The following LRRTM4 variants were observed in gnomAD, a reference collection of about 807,000 sequenced individuals.
LRRTM4 encodes the protein leucine rich repeat transmembrane neuronal 4, also known as leucine-rich repeat transmembrane neuronal protein 4.
In LRRTM4, 25 loss-of-function variants were observed where a neutral mutation model predicts 47.6. That is an observed-to-expected ratio of 0.53 (90% CI 0.38 to 0.73). The LOEUF is 0.73. Ranked by LOEUF, LRRTM4 falls within the 30% of genes least tolerant of loss-of-function variation. LRRTM4 has a pLI of 0.00. For missense variants in LRRTM4, 638 were observed against 713.4 expected, an observed-to-expected ratio of 0.89 and a Z score of 1.20; for synonymous variants, 311 against 269.5, an observed-to-expected ratio of 1.15 and a Z score of -1.51.
intron 3 of LRRTM4, among the ~76,000 whole-genome samples, chr2:77,341,582 C>T (rs1671374702): frequency 1.3e-5 from 2 of 152,166 alleles, no homozygotes; most frequent in South Asian, 2.1e-4. Flanking sequence ...CCCTACGAGA[C>T]AAGAACCACG....
At chr2:77,512,661 AC>A (rs2104107411) in intron 3 of LRRTM4, among the ~76,000 whole-genome samples, 1 of 152,182 alleles carries the variant, frequency 6.6e-6, no homozygotes, top group East Asian at 1.9e-4. Context: ...TTACTGAGCA[AC>A]TCCTAAAGCA....
At chr2:77,218,991 G>A (rs918284732) in intron 3 of LRRTM4, among the ~76,000 whole-genome samples, 1 of 152,316 alleles carries the variant, frequency 6.6e-6, no homozygotes, top group African/African-American at 2.4e-5. Context: ...CGCTGCCAGA[G>A]TACACTGGAA....
chr2:76,986,618 A>G (rs1275123291), intron 3 of LRRTM4, among the ~76,000 whole-genome samples: 1 of 151,946 alleles, frequency 6.6e-6, no homozygotes, highest in Non-Finnish European at 1.5e-5. Flanking sequence ...GTTGAACATA[A>G]TGAAAGCCCA....
intron 3 of LRRTM4, among the ~76,000 whole-genome samples, chr2:77,337,590 C>G (rs931038824): frequency 5.3e-5 from 8 of 151,958 alleles, no homozygotes; most frequent in Non-Finnish European, 8.8e-5. Flanking sequence ...GGCTCTTCCC[C>G]CTTAGCTCCC....
intron 3 of LRRTM4, among the ~76,000 whole-genome samples, chr2:77,165,370 T>C (rs1388695709): frequency 6.6e-6 from 1 of 152,150 alleles, no homozygotes; most frequent in Non-Finnish European, 1.5e-5. Flanking sequence ...CACAGCCAAA[T>C]TCTACCAGAG....
At chr2:77,434,358 C>CCTGG (rs1363725281) in intron 3 of LRRTM4, among the ~76,000 whole-genome samples, 1 of 151,586 alleles carries the variant, frequency 6.6e-6, no homozygotes, top group East Asian at 1.9e-4. Flanking sequence ...TGACCAAGAA[C>CCTGG]CCAGCCACCT....
intron 3 of LRRTM4, among the ~76,000 whole-genome samples, chr2:77,074,485 G>A (rs962090641): frequency 1.3e-5 from 2 of 151,802 alleles, no homozygotes; most frequent in African/African-American, 4.8e-5. Flanking sequence ...AAAAACTGAA[G>A]GCTGAATATT....
chr2:76,785,362 A>G (rs62172101), intron 3 of LRRTM4, among the ~76,000 whole-genome samples: 2 of 152,016 alleles, frequency 1.3e-5, no homozygotes, highest in Non-Finnish European at 2.9e-5. Flanking sequence ...TAGAGCATCA[A>G]CTTATAACAG....
At chr2:77,173,073 T>C (rs1673099709) in intron 3 of LRRTM4, among the ~76,000 whole-genome samples, 1 of 152,158 alleles carries the variant, frequency 6.6e-6, no homozygotes, top group Non-Finnish European at 1.5e-5. Flanking sequence ...AGTTGTTTAA[T>C]AAAGGATGAT....
chr2:77,018,105 A>G (rs994014234), intron 3 of LRRTM4, among the ~76,000 whole-genome samples: 2 of 151,498 alleles, frequency 1.3e-5, no homozygotes, highest in Non-Finnish European at 1.5e-5. Context: ...TGAAAGTACT[A>G]TTTTTCCTTT....
intron 3 of LRRTM4, among the ~76,000 whole-genome samples, chr2:77,183,826 G>C (rs934111350): frequency 6.6e-6 from 1 of 152,030 alleles, no homozygotes; most frequent in Non-Finnish European, 1.5e-5. Flanking sequence ...GCAACCTATT[G>C]CAAGGACAAA....
At chr2:77,351,553 G>T (rs958252907) in intron 3 of LRRTM4, among the ~76,000 whole-genome samples, 9 of 150,282 alleles carry the variant, frequency 6.0e-5, no homozygotes, top group African/African-American at 2.2e-4. Flanking sequence ...ATTTCCATGA[G>T]ATATTTTTAA....
rs546338214 is a variant in LRRTM4, at chr2:77,234,395, C to T, written c.1551+283923G>A. On this transcript the variant is annotated intron_variant, in intron 3 of 3. Transcript: ENST00000409884. ...CAAAATGGAATCACTATAATGATTT[C>T]GAATAATCTGTGACTACAGTTTGGA... Among the ~76,000 whole-genome samples, 23 of 152,118 alleles carry T rather than the reference C, an allele frequency of 1.5e-4. No individual in the cohort carries two copies. In the East Asian group the frequency reaches 2.7e-3, roughly 18 times the overall value.
At chr2:76,804,862 A>T (rs6747148) in intron 3 of LRRTM4, among the ~76,000 whole-genome samples, 69,533 of 150,668 alleles carry the variant, frequency 0.46, 17,627 homozygotes, top group East Asian at 0.67. Context: ...TTGTTAATAG[A>T]TTTTTTTAAA....
chr2:76,983,320 C>A (rs925740182), intron 3 of LRRTM4, among the ~76,000 whole-genome samples: 33 of 152,012 alleles, frequency 2.2e-4, no homozygotes, highest in Admixed American at 8.5e-4. Context: ...TTGGCAGTAT[C>A]CCCACCCAAA....
intron 3 of LRRTM4, among the ~76,000 whole-genome samples, chr2:77,051,432 A>T (rs1679428370): frequency 6.6e-6 from 1 of 152,154 alleles, no homozygotes; most frequent in African/African-American, 2.4e-5. Flanking sequence ...CTCAGTGTCA[A>T]ATGAATTAAG....
At chr2:77,372,539 T>A (rs1672688368) in intron 3 of LRRTM4, among the ~76,000 whole-genome samples, 1 of 151,740 alleles carries the variant, frequency 6.6e-6, no homozygotes, top group African/African-American at 2.4e-5. Flanking sequence ...TCACCTGTAG[T>A]CATTTCATTA....
At chr2:76,889,903 G>A (rs988296153) in intron 3 of LRRTM4, among the ~76,000 whole-genome samples, 1 of 151,938 alleles carries the variant, frequency 6.6e-6, no homozygotes, top group African/African-American at 2.4e-5. Context: ...AGAATTGCAA[G>A]CTATGGCCAC....
intron 3 of LRRTM4, among the ~76,000 whole-genome samples, chr2:77,249,833 G>A (rs1162209985): frequency 6.6e-6 from 1 of 152,162 alleles, no homozygotes; most frequent in Non-Finnish European, 1.5e-5. Context: ...TCATCCAAGG[G>A]TGTAAAACTT....
Sources: allele counts gnomAD v4.1 joint callset (sites outside exome capture counted in the v4.1 genomes callset), GRCh38; gene constraint gnomAD v4.1.1; transcripts MANE v1.5; gene names NCBI Gene and HGNC (gene_info 2026-07-23, HGNC 2026-07-21).